CRY1: variants seen among roughly 807,000 people sequenced by gnomAD.
CRY1 encodes the protein cryptochrome circadian regulator 1.
A neutral mutation model predicts 76.0 loss-of-function variants in CRY1; 45 were observed. That is an observed-to-expected ratio of 0.59 (90% confidence interval 0.47 to 0.76). The LOEUF is 0.76. Among genes scored for constraint, CRY1 ranks in the 30% least tolerant of loss-of-function variants. The probability of loss-of-function intolerance (pLI) is 0.00; values close to 1 mark genes in which losing one functional copy is unlikely to be tolerated. For missense variants in CRY1, 587 were observed against 716.4 expected, an observed-to-expected ratio of 0.82 and a Z score of 2.06; for synonymous variants, 248 against 244.0, an observed-to-expected ratio of 1.02 and a Z score of -0.15.
intron 1 of CRY1, among the ~76,000 whole-genome samples, chr12:107,033,875 T>C (rs545516560): frequency 6.7e-6 from 1 of 149,492 alleles, no homozygotes; most frequent in South Asian, 2.2e-4. Flanking sequence ...GCCTAACTAA[T>C]GTAGTGCAGG....
At chr12:107,079,162 T>G (rs939983857) in intron 1 of CRY1, among the ~76,000 whole-genome samples, 1 of 152,168 alleles carries the variant, frequency 6.6e-6, no homozygotes, top group Non-Finnish European at 1.5e-5. Flanking sequence ...GTTACTTCAG[T>G]TCAGTCAAGC....
chr12:107,037,746 T>C (rs1952752698), intron 1 of CRY1, among the ~76,000 whole-genome samples: 1 of 152,148 alleles, frequency 6.6e-6, no homozygotes, highest in South Asian at 2.1e-4. Context: ...TCTCACTCTG[T>C]TGCCCAGGCT....
At chr12:107,069,648 T>C (rs1344578641) in intron 1 of CRY1, among the ~76,000 whole-genome samples, 1 of 138,640 alleles carries the variant, frequency 7.2e-6, no homozygotes, top group African/African-American at 2.6e-5. Context: ...ATATAAAAAG[T>C]ATATAAAGTA....
chr12:107,024,827 GTTC>G (rs1311780950), intron 1 of CRY1, among the ~76,000 whole-genome samples: 1 of 152,146 alleles, frequency 6.6e-6, no homozygotes. Flanking sequence ...TAAGTATGGT[GTTC>G]TTCTTCCACA....
At chr12:107,000,761 T>G (rs908114702) in intron 5 of CRY1, among the ~76,000 whole-genome samples, 2 of 152,094 alleles carry the variant, frequency 1.3e-5, no homozygotes, top group Non-Finnish European at 2.9e-5. Flanking sequence ...ACAATTCTCA[T>G]GCCTCAGCAT....
intron 7 of CRY1, 142 bp downstream of exon 7, chr12:106,999,409 C>T: frequency 5.7e-6 from 4 of 707,844 alleles, no homozygotes; most frequent in South Asian, 2.3e-5. Context: ...TGAAAGTGTC[C>T]CCGTATTTGG....
chr12:107,008,148 C>T (rs1210693272), intron 2 of CRY1, among the ~76,000 whole-genome samples: 1 of 152,184 alleles, frequency 6.6e-6, no homozygotes, highest in Admixed American at 6.5e-5. Context: ...ATAACGTGTG[C>T]TCTCTACAAC....
chr12:107,033,830 G>A (rs927273653), intron 1 of CRY1, among the ~76,000 whole-genome samples: 1 of 148,980 alleles, frequency 6.7e-6, no homozygotes, highest in Non-Finnish European at 1.5e-5. Context: ...AGACAAAGAT[G>A]CCTACTCCCA....
At chr12:107,000,141 C>A in intron 5 of CRY1, 59 bp from the exon 6 acceptor site, 1 of 1,494,030 alleles carries the variant, frequency 6.7e-7, no homozygotes, top group Non-Finnish European at 9.0e-7. Context: ...TAAAAGAACA[C>A]TCAGAATGGA....
chr12:106,999,769 CA>C lies in CRY1; in HGVS notation c.918del (p.Phe306LeufsTer22), dbSNP rs767111949. On this transcript the variant is annotated frameshift_variant, in exon 7 of 13. Transcript: ENST00000008527. LOFTEE classifies it high-confidence loss of function. The stretch of plus-strand genomic sequence containing the variant: ...CAGATAGGGTTTCCTTCCATTTTAT[CA>C]AAGCGTGGATTATTTGTTGCTGCTG... ...FYTAATNNPRFDKMEGNPICV... is the reference protein window; with the variant it reads ...FYTAATNNPRXDKMEGNPICV... The C allele has an allele frequency of 6.2e-7, 1 of 1,614,216 alleles. No individual in the cohort carries two copies. Among genetic ancestry groups the C allele is most frequent in the South Asian group, 1.1e-5 (1 of 91,082 alleles).
chr12:107,062,130 G>A (rs10746084), intron 1 of CRY1, among the ~76,000 whole-genome samples: 106,704 of 151,388 alleles, frequency 0.7, 38,532 homozygotes, highest in East Asian at 0.97. Context: ...GCTCTATTCC[G>A]GAAACTAAAA....
chr12:107,015,469 G>C (rs1476877826), intron 2 of CRY1, among the ~76,000 whole-genome samples: 1 of 151,628 alleles, frequency 6.6e-6, no homozygotes, highest in African/African-American at 2.4e-5. Flanking sequence ...TCAGCCTCCT[G>C]AGTAGCTAGG....
chr12:107,064,958 A>G (rs1953093424), intron 1 of CRY1, among the ~76,000 whole-genome samples: 1 of 152,186 alleles, frequency 6.6e-6, no homozygotes, highest in Admixed American at 6.5e-5. Flanking sequence ...CAAACAACAG[A>G]TAAATGGAGA....
At chr12:107,071,457 C>T (rs981888744) in intron 1 of CRY1, among the ~76,000 whole-genome samples, 29 of 152,272 alleles carry the variant, frequency 1.9e-4, no homozygotes, top group African/African-American at 6.0e-4. Context: ...AAATATGCTT[C>T]TGTATCCTAT....
intron 1 of CRY1, among the ~76,000 whole-genome samples, chr12:107,075,492 G>T (rs1953241070): frequency 6.6e-6 from 1 of 152,058 alleles, no homozygotes. Flanking sequence ...CTTCACCATG[G>T]TCTTGAAGGT....
chr12:106,999,911 T>C (rs778806597), intron 6 of CRY1, 31 bp downstream of exon 6: 5 of 1,592,364 alleles, frequency 3.1e-6, no homozygotes, highest in Admixed American at 3.7e-5. Context: ...TTTTAAAGTA[T>C]TAAACAATAA....
rs143289025 is a variant in CRY1 at position 106,996,903 on chromosome 12, C to T, written c.1585+391G>A. On this transcript the variant is annotated intron_variant, in intron 10 of 12. Transcript: ENST00000008527. Reference sequence around the variant, plus strand: ...GACTAGAGGGCTCTATGCATGTGTACAATAAATCTTTTGGCCATGTTCACA... The same window carrying T: ...GACTAGAGGGCTCTATGCATGTGTATAATAAATCTTTTGGCCATGTTCACA... 4.0e-3 allele frequency among the ~76,000 whole-genome samples: 602 copies of T among 152,252 alleles called. 2 individuals carry two copies. The highest frequency in any genetic ancestry group is 5.7e-3 in the Non-Finnish European group (385 of 67,994).
chr12:107,018,279 C>G (rs1027096234), intron 2 of CRY1, among the ~76,000 whole-genome samples: 5 of 152,220 alleles, frequency 3.3e-5, no homozygotes, highest in African/African-American at 1.2e-4. Flanking sequence ...CCATGTGTCA[C>G]TGTTTCTTAG....
chr12:107,061,148 A>C (rs1250093484), intron 1 of CRY1, among the ~76,000 whole-genome samples: 1 of 152,164 alleles, frequency 6.6e-6, no homozygotes, highest in East Asian at 1.9e-4. Flanking sequence ...CACTAAATTC[A>C]GGTAAATTAA....
Sources: allele counts gnomAD v4.1 joint callset (sites outside exome capture counted in the v4.1 genomes callset), GRCh38; gene constraint gnomAD v4.1.1; transcripts MANE v1.5; gene names NCBI Gene and HGNC (gene_info 2026-07-23, HGNC 2026-07-21).